KDM4A: variants seen among roughly 807,000 people sequenced by gnomAD.
KDM4A encodes lysine-specific demethylase 4A.
Under a neutral mutation model 127.1 loss-of-function variants are expected in KDM4A, and 23 were observed. The ratio of observed to expected loss-of-function variants is 0.18; its 90% CI spans 0.13 to 0.26. KDM4A has a LOEUF of 0.26. KDM4A is among the 10% of genes least tolerant of loss of function. The pLI is 1.00. For missense variants in KDM4A, 890 were observed against 1,329.1 expected (o/e 0.67, Z 5.14); for synonymous variants, 443 against 466.5 (o/e 0.95, Z 0.65).
intron 4 of KDM4A, among the ~76,000 whole-genome samples, chr1:43,662,260 A>T (rs1230504765): frequency 2.0e-5 from 3 of 149,106 alleles, no homozygotes; most frequent in African/African-American, 7.4e-5. Flanking sequence ...TTTTTTTTCT[A>T]TTTTGACCTA....
Position 43,655,866 on chromosome 1 carries a change from T to G in KDM4A, c.314+100T>G, listed in dbSNP as rs570514312. 1.4e-5 allele frequency: 13 copies of G among 955,788 alleles called. No homozygotes were observed. In the East Asian group the frequency reaches 2.7e-4, roughly 20 times the overall value. 59.2% of individuals were successfully genotyped at this position (955,788 alleles called of 1,614,324 possible). On this transcript the variant is annotated intron_variant, in intron 3 of 21. Coordinates refer to ENST00000372396, the MANE Select transcript of KDM4A (RefSeq NM_014663.3). ...TGCTGCTGTCCTGATGAACAGTGTC[T>G]TCAGCAGGATGGCTCTGTTCTAGCT... is the stretch of plus-strand genomic sequence containing the variant.
chr1:43,665,235 A>T (rs1660473815), intron 5 of KDM4A, among the ~76,000 whole-genome samples: 1 of 152,160 alleles, frequency 6.6e-6, no homozygotes, highest in South Asian at 2.1e-4. Flanking sequence ...ATACGGGGCT[A>T]GGTCTCTTAA....
Position 43,660,275 on chromosome 1 carries a change from T to C in KDM4A, c.315-23T>C, listed in dbSNP as rs757837889. 2.2e-5 allele frequency: 34 copies of C among 1,579,170 alleles called. No homozygotes were observed. In the South Asian group the frequency reaches 3.3e-4, roughly 15 times the overall value. ...AATAAACCCCTGTAAGTGGTTTACA[T>C]GTTTCTTTTTACTTTCAAAAAGGTA... On this transcript the variant is annotated intron_variant, in intron 3 of 21. Transcript: ENST00000372396.
intron 2 of KDM4A, 90 bp from the exon 3 acceptor site, chr1:43,655,501 G>A: frequency 1.4e-5 from 16 of 1,133,630 alleles, no homozygotes; most frequent in Non-Finnish European, 2.0e-5. Context: ...AAAATTGACT[G>A]TTAGGTTGGC....
rs113602514 is a variant in KDM4A at position 43,661,253 on chromosome 1, G to C, written c.429+841G>C. Reference sequence around the variant, plus strand: ...GCCTCCCAAAGTGCTAGAATTACAGGTGTGAGCCACTGCGCTTGGCCCATA... The same window carrying C: ...GCCTCCCAAAGTGCTAGAATTACAGCTGTGAGCCACTGCGCTTGGCCCATA... On this transcript the variant is annotated intron_variant, in intron 4 of 21. Coordinates refer to ENST00000372396, the MANE Select transcript of KDM4A (RefSeq NM_014663.3). Among the ~76,000 whole-genome samples, 440 of 152,038 alleles carry C rather than the reference G, an allele frequency of 2.9e-3. 4 individuals carry two copies. Among genetic ancestry groups the C allele is most frequent in the African/African-American group, 0.01 (429 of 41,496 alleles).
intron 5 of KDM4A, 73 bp from the exon 6 acceptor site, chr1:43,665,623 G>C: frequency 7.1e-7 from 1 of 1,407,958 alleles, no homozygotes; most frequent in South Asian, 1.2e-5. Flanking sequence ...AAGGTGTTTT[G>C]AGAGTGGGAA....
intron 11 of KDM4A, among the ~76,000 whole-genome samples, chr1:43,682,347 A>T (rs1660877598): frequency 6.6e-6 from 1 of 152,198 alleles, no homozygotes; most frequent in Non-Finnish European, 1.5e-5. Flanking sequence ...GTTCACTGTA[A>T]TGGAGGCTCC....
chr1:43,668,901 G>C (rs1660558878), intron 9 of KDM4A, among the ~76,000 whole-genome samples, 199 bp from the exon 10 acceptor site: 1 of 152,240 alleles, frequency 6.6e-6, no homozygotes. Flanking sequence ...GGTAATACCT[G>C]TATTTTCCAG....
intron 19 of KDM4A, among the ~76,000 whole-genome samples, chr1:43,702,911 G>A (rs942158907): frequency 1.1e-3 from 165 of 151,916 alleles, no homozygotes; most frequent in African/African-American, 3.9e-3. Context: ...CGTGCCTGTT[G>A]TCCCAGCTAC....
Position 43,690,892 on chromosome 1 carries a change from A to G in KDM4A, c.2085A>G (p.Leu695=), listed in dbSNP as rs771457941. The part of the protein sequence containing the change: ...FNQNCGNASD[L]APQKQRTKPL... ...AGAACTGTGGAAATGCTTCAGATTT[A>G]GCCCCCCAGAAGCAGAGGACCAAGC... The change falls in exon 14 of 22, where the codon TTA becomes TTG. Residue 695 remains leucine (L), a synonymous_variant. Transcript: ENST00000372396. 2.5e-6 allele frequency: 4 copies of G among 1,614,246 alleles called. No individual in the cohort carries two copies. Among genetic ancestry groups the G allele is most frequent in the Non-Finnish European group, 3.4e-6 (4 of 1,180,036 alleles).
chr1:43,694,699 T>C lies in KDM4A; in HGVS notation c.2485-10T>C, dbSNP rs1661202001. ...CCTGCAATCACTGGTTTTCTTCCCC[T>C]GTGCTACAGAAATGTATCTTCTGTA... On this transcript the variant is annotated splice_polypyrimidine_tract_variant and intron_variant, in intron 17 of 21. Transcript: ENST00000372396. The surrounding 1 kb of genome is among the most constrained non-coding windows in gnomAD (Gnocchi z 5.2). 1 of 1,595,472 alleles carries C rather than the reference T, an allele frequency of 6.3e-7. No homozygotes were observed. The highest frequency in any genetic ancestry group is 8.6e-7 in the Non-Finnish European group (1 of 1,164,582).
chr1:43,691,400 T>C (rs185998206), intron 14 of KDM4A, 96 bp from the exon 15 acceptor site: 1 of 1,017,004 alleles, frequency 9.8e-7, no homozygotes, highest in East Asian at 2.4e-5. Context: ...GAGATTTGGT[T>C]GTAGCTTTGG....
chr1:43,672,923 T>C (rs994871081), intron 11 of KDM4A, among the ~76,000 whole-genome samples: 15 of 152,322 alleles, frequency 9.8e-5, no homozygotes, highest in African/African-American at 3.6e-4. Flanking sequence ...CTTTCTTACC[T>C]TGAAATTCAA....
At chr1:43,698,587 C>G (rs539038125) in intron 19 of KDM4A, among the ~76,000 whole-genome samples, 1 of 152,144 alleles carries the variant, frequency 6.6e-6, no homozygotes, top group African/African-American at 2.4e-5. Flanking sequence ...TTTCCCCTAC[C>G]CCCACCTTGC....
At chr1:43,695,218 T>C (rs971552448) in intron 18 of KDM4A, among the ~76,000 whole-genome samples, 1 of 152,212 alleles carries the variant, frequency 6.6e-6, no homozygotes, top group African/African-American at 2.4e-5. Flanking sequence ...GTCCGGGACA[T>C]GCAGAACCTC....
intron 12 of KDM4A, 140 bp downstream of exon 12, chr1:43,683,944 G>A (rs1660914760): frequency 2.1e-6 from 2 of 938,466 alleles, no homozygotes; most frequent in Admixed American, 2.9e-5. Flanking sequence ...ATAAAGAGAG[G>A]ACCGGATTTC....
At chr1:43,672,211 TAG>T (rs1411504699) in intron 11 of KDM4A, among the ~76,000 whole-genome samples, 5 of 152,064 alleles carry the variant, frequency 3.3e-5, no homozygotes, top group African/African-American at 1.2e-4. Context: ...TTTCTTGAGA[TAG>T]AGTCTCTGCT....
At chr1:43,662,787 TGTTTGTCAGAGATGACA>T in intron 4 of KDM4A, 90 bp from the exon 5 acceptor site, 1 of 914,194 alleles carries the variant, frequency 1.1e-6, no homozygotes, top group Admixed American at 2.5e-5. Context: ...TTATTCCCAA[TGTTTGTCAGAGATGACA>T]GCTTACTTGT....
At chr1:43,660,077 C>T (rs1660336521) in intron 3 of KDM4A, among the ~76,000 whole-genome samples, 2 of 152,212 alleles carry the variant, frequency 1.3e-5, no homozygotes, top group African/African-American at 2.4e-5. Context: ...GACCGGTTTA[C>T]ATCTGTGTGT....
Sources: allele counts gnomAD v4.1 joint callset (sites outside exome capture counted in the v4.1 genomes callset), GRCh38; gene constraint gnomAD v4.1.1; non-coding constraint Gnocchi (gnomAD v3.1); transcripts MANE v1.5; gene names NCBI Gene and HGNC (gene_info 2026-07-23, HGNC 2026-07-21).